PDE6C: variants seen among roughly 807,000 people sequenced by gnomAD.
The protein encoded by PDE6C is phosphodiesterase 6C, also known as cone cGMP-specific 3',5'-cyclic phosphodiesterase subunit alpha'.
In PDE6C, 75 loss-of-function variants were observed where a neutral mutation model predicts 113.1. The ratio of observed to expected loss-of-function variants is 0.66; its 90% CI spans 0.55 to 0.80. PDE6C has a LOEUF of 0.80. Among genes scored for constraint, PDE6C ranks in the 30% least tolerant of loss-of-function variants. The pLI, the probability that PDE6C is intolerant of heterozygous loss-of-function variation, is 0.00. For missense variants in PDE6C, 912 were observed against 1,038.6 expected (o/e 0.88, Z 1.67); for synonymous variants, 375 against 363.7 (o/e 1.03, Z -0.35).
At chr10:93,623,554 A>T (rs2058458748) in intron 4 of PDE6C, among the ~76,000 whole-genome samples, 1 of 152,134 alleles carries the variant, frequency 6.6e-6, no homozygotes, top group South Asian at 2.1e-4. Context: ...GTTCACCTAG[A>T]TCTTCTATGT....
At chr10:93,658,069 C>T (rs1455024899) in intron 16 of PDE6C, among the ~76,000 whole-genome samples, 2 of 144,486 alleles carry the variant, frequency 1.4e-5, no homozygotes, top group Non-Finnish European at 3.0e-5. Context: ...ACTCGGTAGG[C>T]TGAAGTGGGA....
chr10:93,640,855 A>C, intron 13 of PDE6C, 65 bp from the exon 14 acceptor site: 1 of 1,051,404 alleles, frequency 9.5e-7, no homozygotes, highest in African/African-American at 1.6e-5. Flanking sequence ...TGCAGGCTGC[A>C]CTTGGTATAG....
chr10:93,663,479 T>A (rs951098166), intron 21 of PDE6C, among the ~76,000 whole-genome samples: 2 of 152,192 alleles, frequency 1.3e-5, no homozygotes, highest in Non-Finnish European at 2.9e-5. Flanking sequence ...AGGGATAATA[T>A]GTAAACTACA....
At chr10:93,626,750 TG>T in intron 6 of PDE6C, 46 bp downstream of exon 6, 1 of 1,604,906 alleles carries the variant, frequency 6.2e-7, no homozygotes, top group Non-Finnish European at 8.5e-7. Flanking sequence ...GTTGTATTTT[TG>T]CACATATTGC....
intron 14 of PDE6C, among the ~76,000 whole-genome samples, chr10:93,642,133 A>G (rs2058562996): frequency 6.6e-6 from 1 of 152,166 alleles, no homozygotes; most frequent in Admixed American, 6.5e-5. Flanking sequence ...TGGGAGGCTG[A>G]GGAGGGCAGA....
intron 5 of PDE6C, among the ~76,000 whole-genome samples, 194 bp from the exon 6 acceptor site, chr10:93,626,446 A>G (rs1173369322): frequency 1.3e-5 from 2 of 152,224 alleles, no homozygotes; most frequent in Non-Finnish European, 2.9e-5. Flanking sequence ...CATGTAGATA[A>G]ACAGCCAATA....
intron 15 of PDE6C, among the ~76,000 whole-genome samples, chr10:93,652,526 G>C (rs746445393): frequency 8.5e-5 from 13 of 152,142 alleles, no homozygotes; most frequent in Non-Finnish European, 1.9e-4. Context: ...GTACTGAAAT[G>C]GTGACTATAA....
rs2058635482 is a variant in PDE6C at position 93,655,857 on chromosome 10, T to A, written c.2033T>A (p.Phe678Tyr). Residue 678 changes from phenylalanine (F) to tyrosine (Y), a missense_variant, in exon 16 of 22, where the codon TTC becomes TAC. Coordinates refer to ENST00000371447, the MANE Select transcript of PDE6C (RefSeq NM_006204.4). ...ATAGCAACTGACCTGGCTTTATATTTCAAGTAAGTACATAACTCTGCACAG... is the reference window on the plus strand; with the variant it reads ...ATAGCAACTGACCTGGCTTTATATTACAAGTAAGTACATAACTCTGCACAG... ...AIIATDLALY[F>Y]KKRTMFQKIV... The A allele has an allele frequency of 1.3e-6, 2 of 1,493,562 alleles. No individual in the cohort carries two copies. The highest frequency in any genetic ancestry group is 9.3e-7 in the Non-Finnish European group (1 of 1,070,076). 92.5% of individuals were successfully genotyped at this position (1,493,562 alleles called of 1,614,324 possible).
intron 1 of PDE6C, among the ~76,000 whole-genome samples, chr10:93,619,177 G>A (rs1001121497): frequency 1.3e-5 from 2 of 152,034 alleles, no homozygotes; most frequent in Non-Finnish European, 2.9e-5. Context: ...CCATTTGTGC[G>A]CTTCTCCAGA....
chr10:93,664,099 T>C (rs1209659651), intron 21 of PDE6C, among the ~76,000 whole-genome samples: 1 of 152,254 alleles, frequency 6.6e-6, no homozygotes, highest in Non-Finnish European at 1.5e-5. Context: ...CTTATGTATT[T>C]ATCAGATGTC....
At chr10:93,630,411 A>T (rs1388217953) in intron 8 of PDE6C, among the ~76,000 whole-genome samples, 1 of 115,152 alleles carries the variant, frequency 8.7e-6, no homozygotes, top group African/African-American at 3.4e-5. Flanking sequence ...CCCACCTGTC[A>T]TCTCTGCCAC....
intron 15 of PDE6C, among the ~76,000 whole-genome samples, chr10:93,655,009 T>A (rs544486803): frequency 1.3e-5 from 2 of 151,432 alleles, no homozygotes; most frequent in South Asian, 4.2e-4. Context: ...GAGACAGGAG[T>A]CTCACCATGT....
At chr10:93,653,369 A>G (rs2058618082) in intron 15 of PDE6C, among the ~76,000 whole-genome samples, 1 of 152,136 alleles carries the variant, frequency 6.6e-6, no homozygotes, top group African/African-American at 2.4e-5. Flanking sequence ...GGGTCCAGGC[A>G]CGGTGGCTCA....
At chr10:93,655,394 T>C (rs926341996) in intron 15 of PDE6C, among the ~76,000 whole-genome samples, 3 of 151,662 alleles carry the variant, frequency 2.0e-5, no homozygotes. Context: ...AGAAATTCTT[T>C]ATTAAAGCTT....
At chr10:93,637,476 G>C (rs776927334) in intron 11 of PDE6C, among the ~76,000 whole-genome samples, 1 of 152,106 alleles carries the variant, frequency 6.6e-6, no homozygotes, top group Admixed American at 6.5e-5. Flanking sequence ...TCTGGAGTCT[G>C]AAGGCTCCAT....
chr10:93,658,854 CT>C (rs1008935993), intron 16 of PDE6C, 46 bp from the exon 17 acceptor site: 1 of 1,124,502 alleles, frequency 8.9e-7, no homozygotes, highest in Non-Finnish European at 1.4e-6. Context: ...TATTTTTTCT[CT>C]CTTTTCATAA....
At chr10:93,661,906 T>C in intron 18 of PDE6C, 153 bp from the exon 19 acceptor site, 1 of 686,454 alleles carries the variant, frequency 1.5e-6, no homozygotes, top group Non-Finnish European at 2.7e-6. Flanking sequence ...ATATAATCTG[T>C]AAATGACCTC....
intron 14 of PDE6C, among the ~76,000 whole-genome samples, chr10:93,642,671 T>C (rs1002196701): frequency 2.6e-5 from 4 of 152,170 alleles, no homozygotes; most frequent in African/African-American, 4.8e-5. Context: ...AGATTCAGTT[T>C]CTTAGCCATG....
Position 93,640,940 on chromosome 10 carries a change from C to T in PDE6C, c.1758C>T (p.Tyr586=). The change falls in exon 14 of 22, where the codon TAC becomes TAT. Residue 586 remains tyrosine (Y), a synonymous_variant. Coordinates refer to ENST00000371447, the MANE Select transcript of PDE6C (RefSeq NM_006204.4). ...TTTAGACAGGAAGATTAAAGAAGTACTACACAGATCTCGAAGCCTTTGCCA... is the reference window on the plus strand; with the variant it reads ...TTTAGACAGGAAGATTAAAGAAGTATTACACAGATCTCGAAGCCTTTGCCA... The part of the protein sequence containing the change: ...TLLMTGRLKK[Y]YTDLEAFAML... The T allele has an allele frequency of 6.2e-7, 1 of 1,607,946 alleles. No individual in the cohort carries two copies. The highest frequency in any genetic ancestry group is 8.5e-7 in the Non-Finnish European group (1 of 1,174,446).
Sources: allele counts gnomAD v4.1 joint callset (sites outside exome capture counted in the v4.1 genomes callset), GRCh38; gene constraint gnomAD v4.1.1; transcripts MANE v1.5; gene names NCBI Gene and HGNC (gene_info 2026-07-23, HGNC 2026-07-21).